AGAP1: variants seen among roughly 807,000 people sequenced by gnomAD.
AGAP1 encodes the protein ArfGAP with GTPase domain, ankyrin repeat and PH domain 1, also known as arf-GAP with GTPase, ANK repeat and PH domain-containing protein 1.
A neutral mutation model predicts 105.3 loss-of-function variants in AGAP1; 29 were observed. The observed-to-expected ratio is 0.28, with a 90% CI of 0.21 to 0.38. AGAP1 has a LOEUF of 0.38. Among genes scored for constraint, AGAP1 ranks in the 10% least tolerant of loss-of-function variants. The pLI, the probability that AGAP1 is intolerant of heterozygous loss-of-function variation, is 1.00. For missense variants in AGAP1, 998 were observed against 1,165.1 expected (o/e 0.86, Z 2.09); for synonymous variants, 509 against 485.9 (o/e 1.05, Z -0.63).
At position 235,609,383 on chromosome 2, in the gene AGAP1, C is replaced by T. The variant is rs978105105; in HGVS notation, c.164-99796C>T. On this transcript the variant is annotated intron_variant, in intron 1 of 17. Coordinates refer to ENST00000304032, the MANE Select transcript of AGAP1 (RefSeq NM_001037131.3). This position sits in a 1 kb window ranked among gnomAD's most constrained non-coding sequence, Gnocchi z 5.1. ...GGGGCAGGGAGAGCTTCAGAATGAG[C>T]GGGAAGCCTCCACAACAGGTGGAGA... is the stretch of plus-strand genomic sequence containing the variant. 4.6e-5 allele frequency among the ~76,000 whole-genome samples: 7 copies of T among 152,054 alleles called. No homozygotes were observed. The East Asian group carries it at 5.8e-4, about 13-fold the overall frequency.
chr2:235,739,813 G>C lies in AGAP1; in HGVS notation c.311-1150G>C, dbSNP rs1431091039. Among the ~76,000 whole-genome samples the C allele has an allele frequency of 2.6e-5, 4 of 152,198 alleles. No individual in the cohort carries two copies. The East Asian group carries it at 7.8e-4, about 30-fold the overall frequency. On this transcript the variant is annotated intron_variant, in intron 3 of 17. Coordinates refer to ENST00000304032, the MANE Select transcript of AGAP1 (RefSeq NM_001037131.3). The surrounding 1 kb of genome is among the most constrained non-coding windows in gnomAD (Gnocchi z 5.3). ...TCTGATTTTTTGCTTCTCAGGCACTGATGTGGTTCAGACCCAGGATTCTAG... is the reference window on the plus strand; with the variant it reads ...TCTGATTTTTTGCTTCTCAGGCACTCATGTGGTTCAGACCCAGGATTCTAG...
At chr2:235,912,356 A>G (rs1559638760) in intron 11 of AGAP1, among the ~76,000 whole-genome samples, 2 of 152,324 alleles carry the variant, frequency 1.3e-5, no homozygotes, top group Non-Finnish European at 2.9e-5. Flanking sequence ...TTGAGGCTAC[A>G]TTTAAGAGAC....
rs2049165383 is a variant in AGAP1 at position 235,866,262 on chromosome 2, C to T, written c.1051-17083C>T. On this transcript the variant is annotated intron_variant, in intron 9 of 17. Transcript: ENST00000304032. This position sits in a 1 kb window ranked among gnomAD's most constrained non-coding sequence, Gnocchi z 6.1. ...TTATTCTTGCAGGTTGAGCCGGGTGCTAGCTACTGATGTGGGAATCTGGGA... is the reference window on the plus strand; with the variant it reads ...TTATTCTTGCAGGTTGAGCCGGGTGTTAGCTACTGATGTGGGAATCTGGGA... Among the ~76,000 whole-genome samples, 1 of 152,136 alleles carries T rather than the reference C, an allele frequency of 6.6e-6. No homozygotes were observed. Among genetic ancestry groups the T allele is most frequent in the Admixed American group, 6.6e-5 (1 of 15,262 alleles).
At position 235,700,918 on chromosome 2, in the gene AGAP1, A is replaced by G. The variant is rs1477191668; in HGVS notation, c.164-8261A>G. On this transcript the variant is annotated intron_variant, in intron 1 of 17. Coordinates refer to ENST00000304032, the MANE Select transcript of AGAP1 (RefSeq NM_001037131.3). The surrounding 1 kb of genome is among the most constrained non-coding windows in gnomAD (Gnocchi z 6.1). ...ATAATGTATAATATATGCATATATT[A>G]TGTATTACACATGCTAGCATATTTG... Among the ~76,000 whole-genome samples, 1 of 147,702 alleles carries G rather than the reference A, an allele frequency of 6.8e-6. No homozygotes were observed. The highest frequency in any genetic ancestry group is 1.5e-5 in the Non-Finnish European group (1 of 67,246).
At chr2:235,935,841 G>A (rs1031301163) in intron 12 of AGAP1, among the ~76,000 whole-genome samples, 1 of 152,164 alleles carries the variant, frequency 6.6e-6, no homozygotes, top group Non-Finnish European at 1.5e-5. Flanking sequence ...AGGGGCCCTG[G>A]GGGGTCGTAT....
At chr2:235,699,538 G>A (rs563325532) in intron 1 of AGAP1, among the ~76,000 whole-genome samples, 3 of 152,236 alleles carry the variant, frequency 2.0e-5, no homozygotes, top group African/African-American at 4.8e-5. Context: ...TAAAACCCCT[G>A]GAGCATTTTG....
In AGAP1 at chr2:235,994,469, A is replaced by G. The variant is rs2055702044; in HGVS notation, c.1645+25846A>G. Among the ~76,000 whole-genome samples, 1 of 152,156 alleles carries G rather than the reference A, an allele frequency of 6.6e-6. No individual in the cohort carries two copies. The highest frequency in any genetic ancestry group is 1.5e-5 in the Non-Finnish European group (1 of 68,046). On this transcript the variant is annotated intron_variant, in intron 13 of 17. Coordinates refer to ENST00000304032, the MANE Select transcript of AGAP1 (RefSeq NM_001037131.3). The surrounding 1 kb of genome is among the most constrained non-coding windows in gnomAD (Gnocchi z 4.4). ...CCTCTTGGAGTTACTTGTTGATAGGACAGCGTTAAGGGGGTCGTTTCTTTC... is the reference window on the plus strand; with the variant it reads ...CCTCTTGGAGTTACTTGTTGATAGGGCAGCGTTAAGGGGGTCGTTTCTTTC...
At chr2:235,948,320 C>T (rs1245977797) in intron 12 of AGAP1, among the ~76,000 whole-genome samples, 2 of 151,730 alleles carry the variant, frequency 1.3e-5, no homozygotes, top group African/African-American at 2.4e-5. Flanking sequence ...GAACCTGGGA[C>T]CACAGGCATG....
At chr2:235,814,072 C>G (rs922823112) in intron 9 of AGAP1, among the ~76,000 whole-genome samples, 1 of 152,136 alleles carries the variant, frequency 6.6e-6, no homozygotes, top group African/African-American at 2.4e-5. Flanking sequence ...GTGTGTGTGC[C>G]CACTAGGGTC....
chr2:235,720,561 G>C lies in AGAP1; in HGVS notation c.310+2917G>C, dbSNP rs1951330094. 1.6e-6 allele frequency: 1 copy of C among 619,680 alleles called. No homozygotes were observed. Among genetic ancestry groups the C allele is most frequent in the Non-Finnish European group, 2.0e-6 (1 of 496,522 alleles). 38.4% of individuals were successfully genotyped at this position (619,680 alleles called of 1,614,324 possible). On this transcript the variant is annotated intron_variant, in intron 3 of 17. Coordinates refer to ENST00000304032, the MANE Select transcript of AGAP1 (RefSeq NM_001037131.3). The surrounding 1 kb of genome is among the most constrained non-coding windows in gnomAD (Gnocchi z 5.0). ...TTGGTGTACTGCTGCCTTCTCATCA[G>C]ACCTCCTTTCCTCTTACAACTGCTA... is the stretch of plus-strand genomic sequence containing the variant.
rs1955269681 is a variant in AGAP1, at chr2:235,769,772, G to GA, written c.673+19285dup. Among the ~76,000 whole-genome samples the GA allele has an allele frequency of 2.0e-5, 3 of 152,174 alleles. No homozygotes were observed. Among genetic ancestry groups the GA allele is most frequent in the Non-Finnish European group, 4.4e-5 (3 of 68,028 alleles). On this transcript the variant is annotated intron_variant, in intron 6 of 17. Coordinates refer to ENST00000304032, the MANE Select transcript of AGAP1 (RefSeq NM_001037131.3). This position sits in a 1 kb window ranked among gnomAD's most constrained non-coding sequence, Gnocchi z 4.4. ...TCTCACCTGGTCCTGGATCATGGGG[G>GA]AGGCACAGGCGACGCTCCGAGGCAG...
At position 236,000,696 on chromosome 2, in the gene AGAP1, G is replaced by T. The variant is rs1326323012; in HGVS notation, c.1645+32073G>T. On this transcript the variant is annotated intron_variant, in intron 13 of 17. Coordinates refer to ENST00000304032, the MANE Select transcript of AGAP1 (RefSeq NM_001037131.3). The surrounding 1 kb of genome is among the most constrained non-coding windows in gnomAD (Gnocchi z 4.3). Reference sequence around the variant, plus strand: ...AATAAAACACAGGTGATTTCAGATAGTGGCACATGCCTGAGGCAATCAGCC... The same window carrying T: ...AATAAAACACAGGTGATTTCAGATATTGGCACATGCCTGAGGCAATCAGCC... Among the ~76,000 whole-genome samples, 1 of 152,230 alleles carries T rather than the reference G, an allele frequency of 6.6e-6. No individual in the cohort carries two copies. Among genetic ancestry groups the T allele is most frequent in the Non-Finnish European group, 1.5e-5 (1 of 68,048 alleles).
At chr2:235,968,742 G>A (rs961508317) in intron 13 of AGAP1, 119 bp downstream of exon 13, 35 of 1,066,492 alleles carry the variant, frequency 3.3e-5, no homozygotes, top group East Asian at 1.5e-4. Context: ...GCTGGTCACC[G>A]TATGTGCTTT....
chr2:235,794,691 C>T lies in AGAP1; in HGVS notation c.674-3068C>T, dbSNP rs190828766. Among the ~76,000 whole-genome samples, 1,029 of 152,198 alleles carry T rather than the reference C, an allele frequency of 6.8e-3. 16 individuals are homozygous for T. Among genetic ancestry groups the T allele is most frequent in the African/African-American group, 0.021 (862 of 41,526 alleles). On this transcript the variant is annotated intron_variant, in intron 6 of 17. Transcript: ENST00000304032. ...TTCACCATGTTGGCCAGGCTGGACTCGAACTCCTGACCTCAGGTGATCTGC... is the reference window on the plus strand; with the variant it reads ...TTCACCATGTTGGCCAGGCTGGACTTGAACTCCTGACCTCAGGTGATCTGC...
intron 16 of AGAP1, among the ~76,000 whole-genome samples, chr2:236,111,733 A>G (rs536423660): frequency 2.4e-4 from 37 of 151,158 alleles, no homozygotes; most frequent in Admixed American, 1.7e-3. Flanking sequence ...TCGAGGCTGC[A>G]GTGAGCCCTG....
chr2:235,536,841 T>C (rs938893494), intron 1 of AGAP1, among the ~76,000 whole-genome samples: 2 of 151,388 alleles, frequency 1.3e-5, no homozygotes, highest in African/African-American at 2.5e-5. Context: ...TGGAGGACAG[T>C]GTGTGTCACC....
At chr2:235,853,201 G>C (rs2048552305) in intron 9 of AGAP1, 5 of 1,046,658 alleles carry the variant, frequency 4.8e-6, no homozygotes, top group African/African-American at 1.7e-5. Context: ...ATCCAAGATT[G>C]AGCGGATCTG....
rs567697055 is a variant in AGAP1 at position 235,970,231 on chromosome 2, C to T, written c.1645+1608C>T. Among the ~76,000 whole-genome samples, 4 of 144,928 alleles carry T rather than the reference C, an allele frequency of 2.8e-5. No homozygotes were observed. The highest frequency in any genetic ancestry group is 4.5e-4 in the South Asian group (2 of 4,442). ...TAAAAAAAAAAAAAAAAAAAAAAGA[C>T]GATTTTTCTCATGTTGTGGGGAGTG... On this transcript the variant is annotated intron_variant, in intron 13 of 17. Transcript: ENST00000304032. This position sits in a 1 kb window ranked among gnomAD's most constrained non-coding sequence, Gnocchi z 5.4.
At chr2:236,023,745 C>A (rs1027185646) in intron 13 of AGAP1, among the ~76,000 whole-genome samples, 3 of 152,060 alleles carry the variant, frequency 2.0e-5, no homozygotes. Context: ...TGCACCGTTG[C>A]GATATCCCAT....
Sources: allele counts gnomAD v4.1 joint callset (sites outside exome capture counted in the v4.1 genomes callset), GRCh38; gene constraint gnomAD v4.1.1; non-coding constraint Gnocchi (gnomAD v3.1); transcripts MANE v1.5; gene names NCBI Gene and HGNC (gene_info 2026-07-23, HGNC 2026-07-21).